The following TRIQK variants were observed in gnomAD, a reference collection of about 807,000 sequenced individuals.
TRIQK encodes the protein triple QxxK/R motif containing.
Under a neutral mutation model 10.8 loss-of-function variants are expected in TRIQK, and 10 were observed. The ratio of observed to expected loss-of-function variants is 0.92; its 90% CI spans 0.57 to 1.57. TRIQK has a LOEUF of 1.57. Ranked by LOEUF, TRIQK falls within the 40% of genes most tolerant of loss-of-function variation. The pLI, the probability that TRIQK is intolerant of heterozygous loss-of-function variation, is 0.00. For missense variants in TRIQK, 107 were observed against 97.7 expected, an observed-to-expected ratio of 1.09 and a Z score of -0.40; for synonymous variants, 33 against 33.7, an observed-to-expected ratio of 0.98 and a Z score of 0.07.
chr8:92,992,606 G>C (rs1250029963), intron 1 of TRIQK, among the ~76,000 whole-genome samples: 1 of 152,218 alleles, frequency 6.6e-6, no homozygotes, highest in Non-Finnish European at 1.5e-5. Flanking sequence ...GTGTAGGAAT[G>C]CTGTTAAAGC....
At chr8:93,007,276 G>T (rs1014880512) in intron 1 of TRIQK, among the ~76,000 whole-genome samples, 1 of 152,172 alleles carries the variant, frequency 6.6e-6, no homozygotes, top group African/African-American at 2.4e-5. Flanking sequence ...AGGCCTACGG[G>T]CCCTATGGAA....
chr8:92,892,983 G>A (rs1023580146), intron 3 of TRIQK, among the ~76,000 whole-genome samples: 1 of 151,874 alleles, frequency 6.6e-6, no homozygotes, highest in South Asian at 2.1e-4. Flanking sequence ...ATACATGATC[G>A]TATAATCTCT....
chr8:92,990,721 C>G (rs1310204359), intron 1 of TRIQK, among the ~76,000 whole-genome samples: 2 of 152,116 alleles, frequency 1.3e-5, no homozygotes, highest in Admixed American at 6.5e-5. Context: ...GCACTCCGGC[C>G]CCAGGTAGTA....
intron 1 of TRIQK, among the ~76,000 whole-genome samples, chr8:93,007,519 C>T (rs1177581184): frequency 6.6e-6 from 1 of 152,058 alleles, no homozygotes; most frequent in Non-Finnish European, 1.5e-5. Context: ...AGAACTGGGC[C>T]GAGGCTGAGA....
upstream of TRIQK, among the ~76,000 whole-genome samples, chr8:92,968,172 G>A (rs1812836530): frequency 1.3e-5 from 2 of 152,170 alleles, no homozygotes; most frequent in African/African-American, 4.8e-5. Context: ...TGGTGTATAT[G>A]TGCCACATTT....
intron 3 of TRIQK, among the ~76,000 whole-genome samples, chr8:92,911,779 A>G (rs1809581000): frequency 6.7e-6 from 1 of 150,152 alleles, no homozygotes; most frequent in Non-Finnish European, 1.5e-5. Context: ...ACATAAATAA[A>G]TATACATATA....
Position 92,914,732 on chromosome 8 carries a change from C to T in TRIQK, c.61+2197G>A, listed in dbSNP as rs549040399. ...TGTTAGGATGACTATGTTAAAAAAA[C>T]GTAATAAATGTTAGTGAGGATACAG... On this transcript the variant is annotated intron_variant, in intron 3 of 4. Coordinates refer to ENST00000521988, the MANE Select transcript of TRIQK (RefSeq NM_001171797.2). Among the ~76,000 whole-genome samples the T allele has an allele frequency of 8.6e-4, 131 of 152,026 alleles. 1 individual carries two copies. In the Middle Eastern group the frequency reaches 0.01, roughly 12 times the overall value.
At chr8:92,923,423 G>A (rs1810286433) in intron 2 of TRIQK, among the ~76,000 whole-genome samples, 1 of 151,804 alleles carries the variant, frequency 6.6e-6, no homozygotes, top group African/African-American at 2.4e-5. Flanking sequence ...ATTCCTTGGA[G>A]ATTATGTCTC....
At chr8:92,914,339 T>A (rs141394297) in intron 3 of TRIQK, among the ~76,000 whole-genome samples, 1 of 152,192 alleles carries the variant, frequency 6.6e-6, no homozygotes, top group East Asian at 1.9e-4. Flanking sequence ...ATTTCTTGGA[T>A]GTAACACTAA....
At chr8:92,990,303 A>G (rs1296557294) in intron 1 of TRIQK, among the ~76,000 whole-genome samples, 2 of 152,218 alleles carry the variant, frequency 1.3e-5, no homozygotes, top group Non-Finnish European at 2.9e-5. Flanking sequence ...ATTCCAGTCA[A>G]TTATGATACT....
At position 92,895,442 on chromosome 8, in the gene TRIQK, G is replaced by A. The variant is rs540722390; in HGVS notation, c.62-3368C>T. On this transcript the variant is annotated intron_variant, in intron 3 of 4. Transcript: ENST00000521988. ...GGGGCTGGATGAATTTGAAAGAGCA[G>A]GCTAGAAAAACCCTGTATTGCCATG... Among the ~76,000 whole-genome samples, 4 of 152,282 alleles carry A rather than the reference G, an allele frequency of 2.6e-5. No individual in the cohort carries two copies. In the South Asian group the frequency reaches 8.3e-4, roughly 32 times the overall value.
intron 2 of TRIQK, among the ~76,000 whole-genome samples, chr8:92,934,793 T>A (rs1810901679): frequency 6.6e-6 from 1 of 151,892 alleles, no homozygotes; most frequent in Admixed American, 6.6e-5. Flanking sequence ...ACCACCGAAT[T>A]TTTCCACTAG....
chr8:92,948,480 TC>T, intron 2 of TRIQK, among the ~76,000 whole-genome samples: 1 of 152,356 alleles, frequency 6.6e-6, no homozygotes, highest in East Asian at 1.9e-4. Flanking sequence ...GATTATCATT[TC>T]ATTGCAACAA....
intron 1 of TRIQK, among the ~76,000 whole-genome samples, chr8:92,981,749 A>G (rs1812989314): frequency 6.6e-6 from 1 of 151,678 alleles, no homozygotes; most frequent in Non-Finnish European, 1.5e-5. Context: ...TTTCTGTGTC[A>G]TTTTGTTTTG....
At chr8:92,900,531 T>G (rs1377342071) in intron 3 of TRIQK, among the ~76,000 whole-genome samples, 18 of 152,182 alleles carry the variant, frequency 1.2e-4, no homozygotes, top group Admixed American at 1.2e-3. Flanking sequence ...AGCACCTTTA[T>G]CAAAAATGAG....
At chr8:92,993,990 C>T (rs1813124155) in intron 1 of TRIQK, among the ~76,000 whole-genome samples, 1 of 152,152 alleles carries the variant, frequency 6.6e-6, no homozygotes, top group South Asian at 2.1e-4. Flanking sequence ...GCAGTTGGAA[C>T]AAGGGCAGAA....
chr8:92,975,528 G>A (rs1179704452), intron 1 of TRIQK, among the ~76,000 whole-genome samples: 1 of 152,002 alleles, frequency 6.6e-6, no homozygotes, highest in Non-Finnish European at 1.5e-5. Flanking sequence ...GAATTGTGGT[G>A]ACCTCACTTC....
chr8:92,983,376 G>A (rs1412245444), intron 1 of TRIQK, among the ~76,000 whole-genome samples: 1 of 152,020 alleles, frequency 6.6e-6, no homozygotes, highest in Non-Finnish European at 1.5e-5. Context: ...GCTTAACATA[G>A]TAAAGATTTA....
At chr8:93,016,775 C>A (rs1294353808) in intron 1 of TRIQK, among the ~76,000 whole-genome samples, 1 of 152,100 alleles carries the variant, frequency 6.6e-6, no homozygotes, top group African/African-American at 2.4e-5. Flanking sequence ...CCGACAGAGG[C>A]AGCAGCAGGT....
Sources: gnomAD v4.1 joint callset for allele counts (sites outside exome capture counted in the v4.1 genomes callset) on GRCh38, gnomAD v4.1.1 for gene constraint, MANE v1.5 for transcripts, NCBI Gene and HGNC (gene_info 2026-07-23, HGNC 2026-07-21) for gene names.